Variants in HELZ observed in about 807,000 individuals in gnomAD.
HELZ encodes the protein ATP-dependent RNA helicase with zinc finger domain.
In HELZ, 23 loss-of-function variants were observed where a neutral mutation model predicts 218.2. That is an observed-to-expected ratio of 0.11 (90% confidence interval 0.08 to 0.15). HELZ has a LOEUF of 0.15. HELZ is among the 10% of genes least tolerant of loss of function. The probability of loss-of-function intolerance (pLI) is 1.00; values close to 1 mark genes in which losing one functional copy is unlikely to be tolerated. For synonymous variants in HELZ, 814 were observed against 829.4 expected, an observed-to-expected ratio of 0.98 and a Z score of 0.32; for missense variants, 1,813 against 2,353.7, an observed-to-expected ratio of 0.77 and a Z score of 4.75.
intron 13 of HELZ, among the ~76,000 whole-genome samples, chr17:67,171,998 AT>A (rs1167272539): frequency 6.7e-6 from 1 of 149,562 alleles, no homozygotes; most frequent in East Asian, 2.0e-4. Flanking sequence ...CACCAGGCTA[AT>A]TTTTTGTATT....
In HELZ at chr17:67,226,749, G is replaced by A. The variant is rs563270509; in HGVS notation, c.-18-7927C>T. Among the ~76,000 whole-genome samples the A allele has an allele frequency of 1.3e-4, 20 of 152,156 alleles. No homozygotes were observed. The South Asian group carries it at 3.1e-3, about 24-fold the overall frequency. ...TGCTAAAAGTGGAAACAACTCAAAC[G>A]TCCTTTAATGAGTGAATAAACAGAC... On this transcript the variant is annotated intron_variant, in intron 3 of 32. Coordinates refer to ENST00000358691, the MANE Select transcript of HELZ (RefSeq NM_014877.4).
At chr17:67,114,440 C>T (rs1170105586) in intron 27 of HELZ, 37 bp from the exon 28 acceptor site, 1 of 1,240,010 alleles carries the variant, frequency 8.1e-7, no homozygotes, top group African/African-American at 1.5e-5. Context: ...AAGTTTTCTC[C>T]AGTGGATATG....
intron 31 of HELZ, among the ~76,000 whole-genome samples, chr17:67,106,495 G>GA (rs1170559514): frequency 6.6e-6 from 1 of 151,898 alleles, no homozygotes; most frequent in East Asian, 1.9e-4. Context: ...TTTTAGTAGA[G>GA]ACGGGGTTTC....
chr17:67,187,367 C>A (rs2039783856), intron 12 of HELZ, among the ~76,000 whole-genome samples: 1 of 152,030 alleles, frequency 6.6e-6, no homozygotes, highest in Non-Finnish European at 1.5e-5. Flanking sequence ...ATTTGGGCAC[C>A]ATCGTTGTTT....
chr17:67,217,458 TAC>T (rs1555625913), intron 4 of HELZ, among the ~76,000 whole-genome samples: 1 of 152,216 alleles, frequency 6.6e-6, no homozygotes, highest in Non-Finnish European at 1.5e-5. Flanking sequence ...CTTATCCCTT[TAC>T]AGTTTATTCT....
At chr17:67,105,690 T>C (rs980583194) in intron 31 of HELZ, among the ~76,000 whole-genome samples, 39 of 152,206 alleles carry the variant, frequency 2.6e-4, no homozygotes, top group Non-Finnish European at 5.3e-4. Context: ...CTACTGTTCA[T>C]TATAATCTGA....
chr17:67,234,043 C>CA (rs551566138), intron 3 of HELZ, among the ~76,000 whole-genome samples: 31,903 of 98,452 alleles, frequency 0.32, 5,450 homozygotes, highest in East Asian at 0.7. Context: ...GACTCCATCT[C>CA]AAAAAAAAAA....
rs201760054 is a variant in HELZ, at chr17:67,109,488, T to A, written c.4117A>T (p.Ile1373Phe). Residue 1373 changes from isoleucine to phenylalanine, a missense_variant, in exon 29 of 33, where the codon ATT becomes TTT. By Grantham distance (21) the Ile-to-Phe change is conservative. This residue lies in a region of HELZ where 938 missense variants were observed against 1,027.5 expected (regional missense o/e 0.91). Transcript: ENST00000358691. ...LPQLPRPPFP[I>F]PQQHTLLNQQ... ...TTTAACAAGGTGTGCTGCTGTGGAA[T>A]TGGAAAGGGTGGTCTTGGTAGCTGG... 62 of 1,613,908 alleles carry A rather than the reference T, an allele frequency of 3.8e-5. No homozygotes were observed. Among genetic ancestry groups the A allele is most frequent in the Non-Finnish European group, 5.1e-5 (60 of 1,180,022 alleles).
chr17:67,225,035 G>A (rs1332796398), intron 3 of HELZ: 1 of 642,222 alleles, frequency 1.6e-6, no homozygotes, highest in East Asian at 3.2e-5. Flanking sequence ...AAGTGATCCA[G>A]TTCTATGTGT....
In HELZ at chr17:67,082,822, T is replaced by A. The variant is rs557818667; in HGVS notation, c.5494+4007A>T. The stretch of plus-strand genomic sequence containing the variant: ...ACTTATTTAACCATGTTCTCAGTTT[T>A]ATAGCAATGTAATTAGTTTTAACTG... On this transcript the variant is annotated intron_variant, in intron 32 of 32. Transcript: ENST00000358691. 2.0e-5 allele frequency among the ~76,000 whole-genome samples: 3 copies of A among 151,938 alleles called. No homozygotes were observed. In the South Asian group the frequency reaches 6.2e-4, roughly 31 times the overall value.
chr17:67,150,620 A>T (rs1422996922), intron 18 of HELZ, among the ~76,000 whole-genome samples: 1 of 152,226 alleles, frequency 6.6e-6, no homozygotes, highest in Non-Finnish European at 1.5e-5. Flanking sequence ...ATAATGCAAA[A>T]GCATTTTATA....
At chr17:67,114,087 T>C (rs981795741) in intron 28 of HELZ, among the ~76,000 whole-genome samples, 1 of 152,230 alleles carries the variant, frequency 6.6e-6, no homozygotes, top group Non-Finnish European at 1.5e-5. Flanking sequence ...AGAAAATCTC[T>C]AAATTCAATT....
chr17:67,195,363 TA>T (rs1297766771), intron 8 of HELZ, 55 bp downstream of exon 8: 1 of 1,024,966 alleles, frequency 9.8e-7, no homozygotes, highest in African/African-American at 1.6e-5. Context: ...CAATAATTAA[TA>T]AAAGCAAAGC....
At chr17:67,236,504 C>CAGCA (rs1206501419) in intron 3 of HELZ, among the ~76,000 whole-genome samples, 13 of 152,072 alleles carry the variant, frequency 8.5e-5, no homozygotes, top group African/African-American at 3.1e-4. Flanking sequence ...ACCACCCAGA[C>CAGCA]AGCAGTATAA....
chr17:67,210,518 T>C (rs962112248), intron 5 of HELZ, among the ~76,000 whole-genome samples: 1 of 152,244 alleles, frequency 6.6e-6, no homozygotes, highest in East Asian at 1.9e-4. Context: ...TTTTCATTGA[T>C]GTTTATGATG....
intron 15 of HELZ, among the ~76,000 whole-genome samples, chr17:67,163,852 T>C (rs957210940): frequency 2.0e-5 from 3 of 152,222 alleles, no homozygotes; most frequent in African/African-American, 4.8e-5. Context: ...TTTCTCAGTA[T>C]GTTCCTAGAC....
intron 3 of HELZ, among the ~76,000 whole-genome samples, chr17:67,229,952 T>C (rs1400662880): frequency 6.6e-6 from 1 of 152,188 alleles, no homozygotes; most frequent in Non-Finnish European, 1.5e-5. Context: ...GAATAATCAT[T>C]TTCATAAAGA....
chr17:67,171,738 T>A (rs2039316811), intron 13 of HELZ, among the ~76,000 whole-genome samples: 1 of 152,174 alleles, frequency 6.6e-6, no homozygotes, highest in South Asian at 2.1e-4. Context: ...ATTGCAACTA[T>A]AATAATCAAC....
chr17:67,128,071 G>A (rs1318381705), intron 24 of HELZ, among the ~76,000 whole-genome samples: 1 of 152,038 alleles, frequency 6.6e-6, no homozygotes, highest in East Asian at 1.9e-4. Flanking sequence ...AATAACTATA[G>A]TTCAAAAGTG....
Sources: gnomAD v4.1 joint callset for allele counts (sites outside exome capture counted in the v4.1 genomes callset) on GRCh38, gnomAD v4.1.1 for gene constraint, gnomAD v4.1.1 regional missense constraint, MANE v1.5 for transcripts, NCBI Gene and HGNC (gene_info 2026-07-23, HGNC 2026-07-21) for gene names.